The following CCDC175 variants were observed in gnomAD, a reference collection of about 807,000 sequenced individuals.
CCDC175 encodes the protein coiled-coil domain containing 175, also known as coiled-coil domain-containing protein 175.
In CCDC175, 100 loss-of-function variants were observed where a neutral mutation model predicts 114.6. The ratio of observed to expected loss-of-function variants is 0.87; its 90% CI spans 0.74 to 1.03. The LOEUF (loss-of-function observed/expected upper bound fraction) is 1.03. CCDC175 is among the 50% of genes least tolerant of loss of function. CCDC175 has a pLI of 0.00. For synonymous variants in CCDC175, 306 were observed against 308.7 expected (o/e 0.99, Z 0.09); for missense variants, 880 against 917.8 (o/e 0.96, Z 0.53).
At chr14:59,525,713 T>C (rs1893699471) in intron 15 of CCDC175, among the ~76,000 whole-genome samples, 1 of 152,178 alleles carries the variant, frequency 6.6e-6, no homozygotes, top group Admixed American at 6.5e-5. Context: ...GTTCCGCATT[T>C]GTGGATTTGA....
At chr14:59,556,026 A>C (rs564394405) in intron 7 of CCDC175, among the ~76,000 whole-genome samples, 1 of 152,326 alleles carries the variant, frequency 6.6e-6, no homozygotes, top group South Asian at 2.1e-4. Flanking sequence ...ATATCATGAA[A>C]ATGGCCATAC....
rs1257796378 is a variant in CCDC175, at chr14:59,538,796, G to C, written c.1400C>G (p.Ala467Gly). 2.0e-6 allele frequency: 3 copies of C among 1,536,650 alleles called. No individual in the cohort carries two copies. In the South Asian group the frequency reaches 3.6e-5, roughly 18 times the overall value. ...AGCTTTTATCTTGGCTGTCCAACGT[G>C]CATGCTTTTTTCTCAAGCAAGCCAT... ...WKMACLRKKHARWTAKIKAEI... is the reference protein window; with the variant it reads ...WKMACLRKKHGRWTAKIKAEI... Residue 467 changes from alanine (A) to glycine (G), a missense_variant, in exon 12 of 20, where the codon GCA becomes GGA. Transcript: ENST00000537690.
intron 14 of CCDC175, 43 bp from the exon 15 acceptor site, chr14:59,527,217 TA>T (rs1206818377): frequency 5.9e-6 from 6 of 1,024,938 alleles, no homozygotes; most frequent in East Asian, 2.7e-5. Flanking sequence ...AAAATTTAGT[TA>T]AAAAATATTA....
At chr14:59,555,101 C>T (rs1477645110) in intron 7 of CCDC175, among the ~76,000 whole-genome samples, 3 of 152,180 alleles carry the variant, frequency 2.0e-5, no homozygotes, top group African/African-American at 7.2e-5. Flanking sequence ...GGAATCCTCC[C>T]TAACTCATTT....
chr14:59,546,850 T>C (rs902595984), intron 8 of CCDC175, among the ~76,000 whole-genome samples: 1 of 151,798 alleles, frequency 6.6e-6, no homozygotes, highest in African/African-American at 2.4e-5. Flanking sequence ...AATAAATAAA[T>C]AAATAAATAA....
At chr14:59,522,244 G>A (rs2139983943) in intron 16 of CCDC175, among the ~76,000 whole-genome samples, 1 of 152,272 alleles carries the variant, frequency 6.6e-6, no homozygotes, top group South Asian at 2.1e-4. Context: ...GGAAATATGG[G>A]CTTTGGGACA....
At chr14:59,531,119 T>C (rs1204167398) in intron 14 of CCDC175, among the ~76,000 whole-genome samples, 2 of 114,474 alleles carry the variant, frequency 1.7e-5, no homozygotes, top group East Asian at 5.1e-4. Flanking sequence ...TTTTTGGTTT[T>C]GTTTAAAAAA....
chr14:59,516,938 G>A (rs1268469663), intron 17 of CCDC175, among the ~76,000 whole-genome samples: 1 of 152,132 alleles, frequency 6.6e-6, no homozygotes, highest in Non-Finnish European at 1.5e-5. Flanking sequence ...CTGGCAATCC[G>A]AATCCAGCAG....
At chr14:59,550,678 C>T (rs971431281) in intron 8 of CCDC175, among the ~76,000 whole-genome samples, 3 of 152,204 alleles carry the variant, frequency 2.0e-5, no homozygotes. Flanking sequence ...AGCTGAAGAA[C>T]CTGGAATCTG....
intron 8 of CCDC175, among the ~76,000 whole-genome samples, chr14:59,546,123 C>T (rs1402198655): frequency 6.6e-6 from 1 of 152,106 alleles, no homozygotes; most frequent in Non-Finnish European, 1.5e-5. Flanking sequence ...CACCATGGAA[C>T]ATTATGCAGC....
In CCDC175 at chr14:59,511,780, C is replaced by G; in HGVS notation, c.2122G>C (p.Glu708Gln). 6.5e-7 allele frequency: 1 copy of G among 1,536,174 alleles called. No individual in the cohort carries two copies. The highest frequency in any genetic ancestry group is 8.7e-7 in the Non-Finnish European group (1 of 1,146,060). ...QEAQYKDLWA[E>Q]FQTTVKILVD... ...CTCACCTTAACTGTGGTCTGAAATT[C>G]AGCCCACAAATCCTTATATTGTGCT... Residue 708 changes from glutamate (E) to glutamine (Q), a missense_variant, in exon 18 of 20, where the codon GAA (glutamate) becomes CAA (glutamine). By Grantham distance (29) the Glu-to-Gln change is conservative (BLOSUM62 2). Coordinates refer to ENST00000537690, the MANE Select transcript of CCDC175 (RefSeq NM_001164399.2).
chr14:59,554,759 C>T lies in CCDC175; in HGVS notation c.954-3323G>A, dbSNP rs570517983. Among the ~76,000 whole-genome samples, 85 of 152,096 alleles carry T rather than the reference C, an allele frequency of 5.6e-4. No homozygotes were observed. In the East Asian group the frequency reaches 7.9e-3, roughly 14 times the overall value. ...AGAAAAGAGAGAAGAATCAAATAGA[C>T]GCAAGAAAAAATGATAACTGGGATA... is the stretch of plus-strand genomic sequence containing the variant. On this transcript the variant is annotated intron_variant, in intron 7 of 19. Transcript: ENST00000537690.
At chr14:59,544,125 T>G (rs927320561) in intron 9 of CCDC175, among the ~76,000 whole-genome samples, 2 of 152,170 alleles carry the variant, frequency 1.3e-5, no homozygotes, top group African/African-American at 4.8e-5. Flanking sequence ...TTTAATAAGA[T>G]GTAAAGTGCT....
intron 7 of CCDC175, among the ~76,000 whole-genome samples, chr14:59,555,679 C>T (rs996617276): frequency 6.6e-6 from 1 of 152,190 alleles, no homozygotes. Context: ...CAGACTGTCC[C>T]TGTTTGCAGA....
chr14:59,576,504 T>A, intron 1 of CCDC175, 115 bp downstream of exon 1: 1 of 1,021,922 alleles, frequency 9.8e-7, no homozygotes. Flanking sequence ...GGCTCTGCCC[T>A]GCCCAGTGAT....
chr14:59,562,099 G>A (rs1192051466), intron 6 of CCDC175, among the ~76,000 whole-genome samples: 5 of 152,310 alleles, frequency 3.3e-5, no homozygotes, highest in South Asian at 4.1e-4. Flanking sequence ...AACTGGAATC[G>A]TAGAACTACC....
At chr14:59,519,705 C>G (rs1452610149) in intron 17 of CCDC175, among the ~76,000 whole-genome samples, 1 of 152,206 alleles carries the variant, frequency 6.6e-6, no homozygotes, top group Non-Finnish European at 1.5e-5. Context: ...TTTTCCCTGA[C>G]ATGATGCTGA....
intron 7 of CCDC175, among the ~76,000 whole-genome samples, chr14:59,554,513 G>A (rs6573269): frequency 0.29 from 43,355 of 152,064 alleles, 6,430 homozygotes; most frequent in South Asian, 0.4. Flanking sequence ...AGAGAAAGCA[G>A]GAAAGATCTA....
At chr14:59,572,625 G>C in intron 3 of CCDC175, 77 bp downstream of exon 3, 1 of 763,142 alleles carries the variant, frequency 1.3e-6, no homozygotes. Context: ...CAATAACTAT[G>C]AAACTTATCT....
Sources: allele counts gnomAD v4.1 joint callset (sites outside exome capture counted in the v4.1 genomes callset), GRCh38; gene constraint gnomAD v4.1.1; transcripts MANE v1.5; gene names NCBI Gene and HGNC (gene_info 2026-07-23, HGNC 2026-07-21).